Variants in PARD3B observed in about 807,000 individuals in gnomAD.
PARD3B encodes par-3 family cell polarity regulator beta.
Under a neutral mutation model 130.2 loss-of-function variants are expected in PARD3B, and 103 were observed. The ratio of observed to expected loss-of-function variants is 0.79; its 90% CI spans 0.67 to 0.93. PARD3B has a LOEUF of 0.93. Among genes scored for constraint, PARD3B ranks in the 40% least tolerant of loss-of-function variants. PARD3B has a pLI of 0.00. For synonymous variants in PARD3B, 583 were observed against 553.2 expected, an observed-to-expected ratio of 1.05 and a Z score of -0.76; for missense variants, 1,609 against 1,499.2, an observed-to-expected ratio of 1.07 and a Z score of -1.21.
intron 16 of PARD3B, among the ~76,000 whole-genome samples, chr2:205,252,490 G>A (rs1371081131): frequency 1.3e-5 from 2 of 152,226 alleles, no homozygotes; most frequent in South Asian, 2.1e-4. Flanking sequence ...TGGCTGTCAC[G>A]TTTCAGAAAG....
intron 2 of PARD3B, among the ~76,000 whole-genome samples, chr2:204,928,500 C>T (rs1405165554): frequency 2.6e-5 from 4 of 152,038 alleles, no homozygotes; most frequent in African/African-American, 7.2e-5. Flanking sequence ...GACATATAAA[C>T]GTGTATGCCT....
intron 1 of PARD3B, among the ~76,000 whole-genome samples, chr2:204,659,161 A>C (rs2035724272): frequency 6.6e-6 from 1 of 152,172 alleles, no homozygotes; most frequent in South Asian, 2.1e-4. Context: ...GATACTCTTG[A>C]CCTAAAGAGT....
chr2:204,849,665 A>T (rs1436612184), intron 2 of PARD3B, among the ~76,000 whole-genome samples: 6 of 152,224 alleles, frequency 3.9e-5, no homozygotes, highest in Non-Finnish European at 8.8e-5. Context: ...ACAGTTAGTG[A>T]CACGTTACTT....
chr2:204,676,310 A>C (rs890974261), intron 1 of PARD3B, among the ~76,000 whole-genome samples: 3 of 152,114 alleles, frequency 2.0e-5, no homozygotes, highest in African/African-American at 7.2e-5. Flanking sequence ...ATGAATTTTC[A>C]GGCTACATGG....
intron 3 of PARD3B, among the ~76,000 whole-genome samples, chr2:205,031,946 A>G (rs1329131220): frequency 6.6e-6 from 1 of 152,184 alleles, no homozygotes; most frequent in Non-Finnish European, 1.5e-5. Flanking sequence ...TGTGCCTCTC[A>G]AAAATCTATC....
intron 18 of PARD3B, among the ~76,000 whole-genome samples, chr2:205,310,839 T>A (rs2042361520): frequency 6.8e-6 from 1 of 145,988 alleles, no homozygotes; most frequent in Non-Finnish European, 1.5e-5. Context: ...TTCTCCTGCC[T>A]CAGCCTCCTG....
intron 4 of PARD3B, among the ~76,000 whole-genome samples, chr2:205,102,142 G>A (rs970146415): frequency 1.6e-4 from 24 of 152,064 alleles, no homozygotes; most frequent in Admixed American, 3.9e-4. Context: ...CCCTAGAACC[G>A]CCTAGCTAAG....
chr2:204,779,064 T>C (rs1290342541), intron 2 of PARD3B, among the ~76,000 whole-genome samples: 4 of 152,220 alleles, frequency 2.6e-5, no homozygotes, highest in East Asian at 1.9e-4. Flanking sequence ...CTTTTCAGAC[T>C]TGCAACATCT....
intron 10 of PARD3B, among the ~76,000 whole-genome samples, chr2:205,149,450 G>A (rs762116066): frequency 9.2e-5 from 14 of 151,994 alleles, no homozygotes; most frequent in African/African-American, 2.2e-4. Flanking sequence ...TCTACCACCC[G>A]TCCTCCTCTG....
chr2:204,605,803 CA>C (rs1212100541), intron 1 of PARD3B, among the ~76,000 whole-genome samples: 2 of 152,116 alleles, frequency 1.3e-5, no homozygotes, highest in African/African-American at 4.8e-5. Flanking sequence ...TGTGCTGGGA[CA>C]GTAATGGTTG....
chr2:205,282,570 C>T (rs2041232998), intron 16 of PARD3B, among the ~76,000 whole-genome samples: 1 of 151,094 alleles, frequency 6.6e-6, no homozygotes, highest in Non-Finnish European at 1.5e-5. Flanking sequence ...ATTGTTTCCC[C>T]AATCATGTTT....
chr2:205,164,822 T>TACACACACACACACAC (rs71032448), intron 11 of PARD3B, among the ~76,000 whole-genome samples: 3,085 of 147,290 alleles, frequency 0.021, 113 homozygotes, highest in African/African-American at 0.068. Context: ...TATATATGTA[T>TACACACACACACACAC]ACACACACAC....
At chr2:205,522,352 T>C (rs949560474) in intron 21 of PARD3B, among the ~76,000 whole-genome samples, 1 of 150,746 alleles carries the variant, frequency 6.6e-6, no homozygotes, top group African/African-American at 2.5e-5. Context: ...ATTTATATGA[T>C]CTTTAAATCA....
In PARD3B at chr2:205,568,528, A is replaced by G. The variant is rs548685182; in HGVS notation, c.3260+15125A>G. Among the ~76,000 whole-genome samples the G allele has an allele frequency of 2.6e-5, 4 of 152,308 alleles. No homozygotes were observed. Among genetic ancestry groups the G allele is most frequent in the Admixed American group, 6.5e-5 (1 of 15,296 alleles). On this transcript the variant is annotated intron_variant, in intron 22 of 22. Transcript: ENST00000406610. This position sits in a 1 kb window ranked among gnomAD's most constrained non-coding sequence, Gnocchi z 5.3. ...TCTGGGACACTCCTGGGATTAGGAAAGCCTCTGGAAAAATTAAACTTGGTA... is the reference window on the plus strand; with the variant it reads ...TCTGGGACACTCCTGGGATTAGGAAGGCCTCTGGAAAAATTAAACTTGGTA...
intron 20 of PARD3B, among the ~76,000 whole-genome samples, chr2:205,451,437 C>T (rs369084296): frequency 2.6e-4 from 40 of 152,128 alleles, no homozygotes; most frequent in Middle Eastern, 6.8e-3. Flanking sequence ...GCTTTTAGGG[C>T]GACACTCTAT....
At chr2:205,322,668 AAGG>A (rs2042791041) in intron 18 of PARD3B, among the ~76,000 whole-genome samples, 1 of 152,102 alleles carries the variant, frequency 6.6e-6, no homozygotes, top group Admixed American at 6.6e-5. Flanking sequence ...CAAAAATATG[AAGG>A]AGTAGTAACG....
chr2:205,268,061 A>G lies in PARD3B; in HGVS notation c.2185+22239A>G, dbSNP rs2040579874. 6.6e-6 allele frequency among the ~76,000 whole-genome samples: 1 copy of G among 152,210 alleles called. No individual in the cohort carries two copies. Among genetic ancestry groups the G allele is most frequent in the South Asian group, 2.1e-4 (1 of 4,832 alleles). On this transcript the variant is annotated intron_variant, in intron 16 of 22. Transcript: ENST00000406610. The surrounding 1 kb of genome is among the most constrained non-coding windows in gnomAD (Gnocchi z 4.1). ...TTCTCTCATCCCAGGACCTTTAGCT[A>G]GTGAGCCCTAGTGAACATAGCCATC... is the stretch of plus-strand genomic sequence containing the variant.
At chr2:205,198,310 GTGA>G (rs2036803446) in intron 15 of PARD3B, among the ~76,000 whole-genome samples, 1 of 152,180 alleles carries the variant, frequency 6.6e-6, no homozygotes, top group South Asian at 2.1e-4. Context: ...TGAGCTTAAA[GTGA>G]TGCATGAGGC....
chr2:205,480,356 T>G (rs2049186450), intron 20 of PARD3B, among the ~76,000 whole-genome samples: 1 of 152,212 alleles, frequency 6.6e-6, no homozygotes, highest in Non-Finnish European at 1.5e-5. Context: ...AAGAGGACTT[T>G]CTTGACTATT....
Sources: gnomAD v4.1 joint callset for allele counts (sites outside exome capture counted in the v4.1 genomes callset) on GRCh38, gnomAD v4.1.1 for gene constraint, Gnocchi (gnomAD v3.1) non-coding constraint, MANE v1.5 for transcripts, NCBI Gene and HGNC (gene_info 2026-07-23, HGNC 2026-07-21) for gene names.